Variants in N4BP1 observed in about 807,000 individuals in gnomAD.
N4BP1 encodes the protein NEDD4-binding protein 1.
Under a neutral mutation model 70.9 loss-of-function variants are expected in N4BP1, and 21 were observed. That is an observed-to-expected ratio of 0.30 (90% CI 0.21 to 0.43). N4BP1 has a LOEUF of 0.43. Ranked by LOEUF, N4BP1 falls within the 20% of genes least tolerant of loss-of-function variation. The probability of loss-of-function intolerance (pLI) is 1.00; values close to 1 mark genes in which losing one functional copy is unlikely to be tolerated. For synonymous variants in N4BP1, 387 were observed against 394.6 expected, an observed-to-expected ratio of 0.98 and a Z score of 0.23; for missense variants, 936 against 1,069.4, an observed-to-expected ratio of 0.88 and a Z score of 1.74.
chr16:48,585,419 T>C (rs946375003), intron 1 of N4BP1, among the ~76,000 whole-genome samples: 1 of 151,856 alleles, frequency 6.6e-6, no homozygotes, highest in African/African-American at 2.4e-5. Flanking sequence ...GGAGGATTGC[T>C]TGAGCCCAGG....
At chr16:48,603,212 T>TC (rs553418720) in intron 1 of N4BP1, among the ~76,000 whole-genome samples, 2 of 152,200 alleles carry the variant, frequency 1.3e-5, no homozygotes, top group Non-Finnish European at 2.9e-5. Flanking sequence ...TAAACACCCT[T>TC]TTTCTCACAA....
At chr16:48,605,027 AG>A (rs1964557692) in intron 1 of N4BP1, among the ~76,000 whole-genome samples, 1 of 151,878 alleles carries the variant, frequency 6.6e-6, no homozygotes, top group Non-Finnish European at 1.5e-5. Flanking sequence ...ATCTAAAAGA[AG>A]GGTTCTTTTT....
chr16:48,599,939 T>C (rs1464249283), intron 1 of N4BP1, among the ~76,000 whole-genome samples: 2 of 152,214 alleles, frequency 1.3e-5, no homozygotes, highest in African/African-American at 2.4e-5. Flanking sequence ...ACTTTTTAAA[T>C]GAAAGAAAAC....
At chr16:48,583,235 T>C (rs1964199152) in intron 1 of N4BP1, among the ~76,000 whole-genome samples, 1 of 151,574 alleles carries the variant, frequency 6.6e-6, no homozygotes, top group Non-Finnish European at 1.5e-5. Context: ...CCATAAAAAA[T>C]AAAAAAAGGA....
intron 2 of N4BP1, 153 bp downstream of exon 2, chr16:48,560,601 A>T: frequency 2.1e-6 from 2 of 948,712 alleles, no homozygotes; most frequent in Non-Finnish European, 1.5e-6. Flanking sequence ...AAACCTTTCC[A>T]ACCAGTTGGT....
chr16:48,559,655 A>C (rs1393473334), intron 2 of N4BP1: 1 of 152,228 alleles, frequency 6.6e-6, no homozygotes, highest in Non-Finnish European at 1.5e-5. Flanking sequence ...CTTCTACATA[A>C]GGCAAATGCC....
rs199782053 is a variant in N4BP1 at position 48,542,868 on chromosome 16, C to A, written c.*36G>T. On this transcript the variant is annotated 3_prime_UTR_variant, in exon 7 of 7. Coordinates refer to ENST00000262384, the MANE Select transcript of N4BP1 (RefSeq NM_153029.4). ...AGGTGTGAGCTTGAGTTTGATCAGC[C>A]AGCCCTGAGCGCAAGCTCAGCGCTC... 36 of 1,540,604 alleles carry A rather than the reference C, an allele frequency of 2.3e-5. No individual in the cohort carries two copies. In the African/African-American group the frequency reaches 4.2e-4, roughly 18 times the overall value.
In N4BP1 at chr16:48,560,909, C is replaced by A; in HGVS notation, c.1734G>T (p.Arg578Ser). 6.2e-7 allele frequency: 1 copy of A among 1,613,940 alleles called. No individual in the cohort carries two copies. The highest frequency in any genetic ancestry group is 8.5e-7 in the Non-Finnish European group (1 of 1,179,882). The change falls in exon 2 of 7, where the codon AGG becomes AGT. Residue 578 changes from arginine (R) to serine (S), a missense_variant. Physicochemically the swap from Arg to Ser is moderately radical, Grantham distance 110. This residue lies in a region of N4BP1 where 515 missense variants were observed against 491.7 expected (regional missense o/e 1.05). Transcript: ENST00000262384. ...PQLLPSVTDA[R>S]SAGPSDHIDS... ...CAATATGATCAGAAGGTCCTGCCGACCTTGCATCAGTAACCGAAGGTAACA... is the reference window on the plus strand; with the variant it reads ...CAATATGATCAGAAGGTCCTGCCGAACTTGCATCAGTAACCGAAGGTAACA...
At position 48,561,959 on chromosome 16, in the gene N4BP1, A is replaced by G; in HGVS notation, c.684T>C (p.Asp228=). ...TTGCCTCTTCCTGCAAAACAGTTTC[A>G]TCTCTAGAAATATTCAGCCCTGTGG... ...NAATGLNISR[D]ETVLQEEARN... The change falls in exon 2 of 7, where the codon GAT becomes GAC. Residue 228 remains aspartate, a synonymous_variant. Transcript: ENST00000262384. 6.2e-7 allele frequency: 1 copy of G among 1,613,936 alleles called. No individual in the cohort carries two copies. The highest frequency in any genetic ancestry group is 8.5e-7 in the Non-Finnish European group (1 of 1,179,880).
Position 48,585,702 on chromosome 16 carries a change from C to CT in N4BP1, c.199-23259dup, listed in dbSNP as rs879385620. Among the ~76,000 whole-genome samples the CT allele has an allele frequency of 6.8e-3, 962 of 141,202 alleles. 2 individuals are homozygous for CT. The highest frequency in any genetic ancestry group is 0.02 in the African/African-American group (756 of 38,420). 92.6% of individuals were successfully genotyped at this position (141,202 alleles called of 152,430 possible). On this transcript the variant is annotated intron_variant, in intron 1 of 6. Transcript: ENST00000262384. Reference sequence around the variant, plus strand: ...TACAGGCATGTGCCATCATGCCTGGCTTTTTTTTTTTGAGACAAAGTCTCA... The same window carrying CT: ...TACAGGCATGTGCCATCATGCCTGGCTTTTTTTTTTTTGAGACAAAGTCTCA...
intron 1 of N4BP1, among the ~76,000 whole-genome samples, chr16:48,597,219 T>G (rs1749726436): frequency 6.6e-6 from 1 of 152,224 alleles, no homozygotes; most frequent in Non-Finnish European, 1.5e-5. Context: ...AATTCCCATC[T>G]TGATAAATCA....
chr16:48,608,848 G>T (rs1291186500), intron 1 of N4BP1, among the ~76,000 whole-genome samples: 1 of 151,868 alleles, frequency 6.6e-6, no homozygotes, highest in Non-Finnish European at 1.5e-5. Context: ...GAAGCAACCT[G>T]TGATGTTCTT....
chr16:48,549,085 G>C (rs1431759096), intron 4 of N4BP1, among the ~76,000 whole-genome samples: 1 of 151,914 alleles, frequency 6.6e-6, no homozygotes, highest in Non-Finnish European at 1.5e-5. Context: ...CTTAAATTAG[G>C]GTGACCACAT....
intron 1 of N4BP1, among the ~76,000 whole-genome samples, chr16:48,564,701 C>T (rs1383430530): frequency 6.6e-6 from 1 of 152,116 alleles, no homozygotes; most frequent in Non-Finnish European, 1.5e-5. Context: ...AAATATCTTG[C>T]TGGAATTTTA....
At chr16:48,554,630 T>C (rs932881400) in intron 2 of N4BP1, among the ~76,000 whole-genome samples, 10 of 152,252 alleles carry the variant, frequency 6.6e-5, no homozygotes, top group Non-Finnish European at 1.5e-4. Flanking sequence ...GCATAATCTA[T>C]GTTCACTGCT....
chr16:48,600,677 T>C (rs528988666), intron 1 of N4BP1: 4 of 459,178 alleles, frequency 8.7e-6, no homozygotes, highest in African/African-American at 4.0e-5. Flanking sequence ...ATTTCTTTTA[T>C]GTACATTTGA....
Position 48,561,654 on chromosome 16 carries a change from TCAG to T in N4BP1, c.986_988del (p.Ala329del). 1.2e-6 allele frequency: 2 copies of T among 1,613,426 alleles called. No individual in the cohort carries two copies. The highest frequency in any genetic ancestry group is 1.7e-6 in the Non-Finnish European group (2 of 1,179,832). On this transcript the variant is annotated inframe_deletion, in exon 2 of 7. Coordinates refer to ENST00000262384, the MANE Select transcript of N4BP1 (RefSeq NM_153029.4). ...TATATCTGGACTTAAATTTTCAGAA[TCAG>T]CAGAAGAATCAGATAGGTCAGCTAT...
At chr16:48,588,294 CTTTTT>C (rs34308285) in intron 1 of N4BP1, among the ~76,000 whole-genome samples, 1 of 134,836 alleles carries the variant, frequency 7.4e-6, no homozygotes. Context: ...ACTATGTTTT[CTTTTT>C]TTTTTTTTTT....
intron 1 of N4BP1, among the ~76,000 whole-genome samples, chr16:48,590,378 G>A (rs1337480935): frequency 6.6e-6 from 1 of 152,150 alleles, no homozygotes; most frequent in Non-Finnish European, 1.5e-5. Flanking sequence ...TAAAACTCTA[G>A]TCTCCCACAC....
Sources: gnomAD v4.1 joint callset for allele counts (sites outside exome capture counted in the v4.1 genomes callset) on GRCh38, gnomAD v4.1.1 for gene constraint, gnomAD v4.1.1 regional missense constraint, MANE v1.5 for transcripts, NCBI Gene and HGNC (gene_info 2026-07-23, HGNC 2026-07-21) for gene names.